NSG2: variants seen among roughly 807,000 people sequenced by gnomAD.
The protein encoded by NSG2 is neuronal vesicle trafficking-associated protein 2.
Under a neutral mutation model 16.9 loss-of-function variants are expected in NSG2, and 4 were observed. That is an observed-to-expected ratio of 0.24 (90% CI 0.12 to 0.54). The LOEUF is 0.54. NSG2 is among the 20% of genes least tolerant of loss of function. The probability of loss-of-function intolerance (pLI) is 0.95; values close to 1 mark genes in which losing one functional copy is unlikely to be tolerated. For missense variants in NSG2, 179 were observed against 221.1 expected, an observed-to-expected ratio of 0.81 and a Z score of 1.21; for synonymous variants, 98 against 88.7, an observed-to-expected ratio of 1.11 and a Z score of -0.59.
At chr5:174,065,037 G>A (rs969832892) in intron 3 of NSG2, among the ~76,000 whole-genome samples, 28 of 152,158 alleles carry the variant, frequency 1.8e-4, no homozygotes, top group Non-Finnish European at 4.4e-5. Context: ...ATAGAAATAA[G>A]GACAGTGAGG....
In NSG2 at chr5:174,098,614, G is replaced by A. The variant is rs1282667985; in HGVS notation, c.214-5614G>A. On this transcript the variant is annotated intron_variant, in intron 3 of 4. Transcript: ENST00000303177. ...ACCACCCCGTCAAAGGGCCCCCCTC[G>A]TGTGCTCTGTTCAGACCACATTCAG... Among the ~76,000 whole-genome samples, 6 of 152,248 alleles carry A rather than the reference G, an allele frequency of 3.9e-5. No individual in the cohort carries two copies. The East Asian group carries it at 5.8e-4, about 15-fold the overall frequency.
intron 3 of NSG2, among the ~76,000 whole-genome samples, chr5:174,086,234 C>A (rs1213077963): frequency 1.3e-5 from 2 of 152,114 alleles, no homozygotes; most frequent in East Asian, 3.8e-4. Context: ...CTAACTGACC[C>A]CGGGCCAATC....
intron 3 of NSG2, among the ~76,000 whole-genome samples, chr5:174,083,396 C>T (rs1760528898): frequency 6.6e-6 from 1 of 152,114 alleles, no homozygotes; most frequent in Admixed American, 6.6e-5. Context: ...AGAAATGAGG[C>T]CAGGAAAATC....
rs144721207 is a variant in NSG2, at chr5:174,109,166, A to G, written c.*1661A>G. The G allele has an allele frequency of 0.016, 2,507 of 152,930 alleles. 25 individuals carry two copies. The highest frequency in any genetic ancestry group is 0.024 in the Middle Eastern group (7 of 294). 9.5% of individuals were successfully genotyped at this position (152,930 alleles called of 1,614,324 possible). ...TTTCTGACAGGAAACAAATAAAGAT[A>G]GATGTGTCTGAGAGTCTTGACCTTC... On this transcript the variant is annotated 3_prime_UTR_variant, in exon 5 of 5. Transcript: ENST00000303177.
chr5:174,078,651 A>T (rs1399957263), intron 3 of NSG2, among the ~76,000 whole-genome samples: 1 of 152,140 alleles, frequency 6.6e-6, no homozygotes, highest in South Asian at 2.1e-4. Context: ...AGTTATTAGG[A>T]GGTGGGGCCT....
chr5:174,087,124 A>G (rs1284173514), intron 3 of NSG2, among the ~76,000 whole-genome samples: 3 of 152,186 alleles, frequency 2.0e-5, no homozygotes, highest in Non-Finnish European at 2.9e-5. Flanking sequence ...TACTTTCAAA[A>G]GGCAATTTAC....
intron 2 of NSG2, among the ~76,000 whole-genome samples, chr5:174,061,003 G>A (rs1760040997): frequency 6.6e-6 from 1 of 152,090 alleles, no homozygotes; most frequent in Non-Finnish European, 1.5e-5. Flanking sequence ...ACACCATGGG[G>A]CAGGAATCTT....
intron 3 of NSG2, among the ~76,000 whole-genome samples, chr5:174,084,804 G>A (rs929392528): frequency 2.0e-5 from 3 of 152,212 alleles, no homozygotes; most frequent in South Asian, 2.1e-4. Flanking sequence ...CAGGCAGATC[G>A]GCTGAGGGAA....
intron 2 of NSG2, among the ~76,000 whole-genome samples, chr5:174,049,826 C>T (rs982145813): frequency 8.5e-5 from 13 of 152,184 alleles, no homozygotes; most frequent in African/African-American, 3.1e-4. Context: ...AGAATCTTTA[C>T]AAGAGTAATT....
chr5:174,052,345 T>C (rs1028172557), intron 2 of NSG2, among the ~76,000 whole-genome samples: 3 of 151,862 alleles, frequency 2.0e-5, no homozygotes, highest in African/African-American at 7.3e-5. Context: ...ACCAGGTTGA[T>C]TGGGAGGAGA....
At chr5:174,054,467 C>T (rs1039855228) in intron 2 of NSG2, among the ~76,000 whole-genome samples, 11 of 152,250 alleles carry the variant, frequency 7.2e-5, no homozygotes, top group South Asian at 2.1e-4. Flanking sequence ...CCTGCAGTCG[C>T]GAACTCTTGG....
chr5:174,066,147 A>T (rs1409325264), intron 3 of NSG2: 4 of 455,536 alleles, frequency 8.8e-6, no homozygotes, highest in South Asian at 4.7e-5. Context: ...AACTTCCTAG[A>T]TGCCACCCTC....
At chr5:174,047,082 A>AT (rs1298715864) in intron 2 of NSG2, among the ~76,000 whole-genome samples, 198 bp downstream of exon 2, 2 of 152,054 alleles carry the variant, frequency 1.3e-5, no homozygotes, top group East Asian at 1.9e-4. Flanking sequence ...GTGTTTATTC[A>AT]TTTTTTGTTC....
chr5:174,049,440 C>T (rs1759853423), intron 2 of NSG2, among the ~76,000 whole-genome samples: 1 of 151,972 alleles, frequency 6.6e-6, no homozygotes, highest in Admixed American at 6.6e-5. Flanking sequence ...TGTGCACGCG[C>T]ACGTGCACAC....
intron 3 of NSG2, among the ~76,000 whole-genome samples, chr5:174,084,819 A>AT (rs1760573735): frequency 6.6e-6 from 1 of 152,152 alleles, no homozygotes; most frequent in Non-Finnish European, 1.5e-5. Context: ...AGGGAAGATA[A>AT]TTTCATTAGG....
chr5:174,081,309 G>T (rs1760461327), intron 3 of NSG2, among the ~76,000 whole-genome samples: 1 of 152,044 alleles, frequency 6.6e-6, no homozygotes, highest in Non-Finnish European at 1.5e-5. Context: ...AGTACTTTCA[G>T]ATTTGCTATT....
At position 174,107,097 on chromosome 5, in the gene NSG2, G is replaced by C. The variant is rs143064045; in HGVS notation, c.325-217G>C. Among the ~76,000 whole-genome samples the C allele has an allele frequency of 9.4e-4, 143 of 152,246 alleles. No individual in the cohort carries two copies. The highest frequency in any genetic ancestry group is 3.2e-3 in the African/African-American group (134 of 41,550). The stretch of plus-strand genomic sequence containing the variant: ...TGGCCTTGAATCAGTGTCAATATCA[G>C]GTTCAGGTCGTCTGGCTTCTTCTAA... On this transcript the variant is annotated intron_variant, in intron 4 of 4. Coordinates refer to ENST00000303177, the MANE Select transcript of NSG2 (RefSeq NM_015980.5). This position sits in a 1 kb window ranked among gnomAD's most constrained non-coding sequence, Gnocchi z 4.5.
rs1284815829 is a variant in NSG2, at chr5:174,059,037, G to A, written c.130-5195G>A. On this transcript the variant is annotated intron_variant, in intron 2 of 4. Coordinates refer to ENST00000303177, the MANE Select transcript of NSG2 (RefSeq NM_015980.5). ...AAGTAGCATTTCATAAGGGTTCAGA[G>A]CAAAGCAGGACATGGATTTGAAGAG... 2.6e-5 allele frequency among the ~76,000 whole-genome samples: 4 copies of A among 152,190 alleles called. No homozygotes were observed. The East Asian group carries it at 7.7e-4, about 29-fold the overall frequency.
intron 4 of NSG2, among the ~76,000 whole-genome samples, chr5:174,105,027 A>ATACTAT (rs5873405): frequency 0.34 from 51,285 of 151,786 alleles, 11,895 homozygotes; most frequent in African/African-American, 0.66. Context: ...AACACAGCTG[A>ATACTAT]TAATATTTAT....
Sources: gnomAD v4.1 joint callset for allele counts (sites outside exome capture counted in the v4.1 genomes callset) on GRCh38, gnomAD v4.1.1 for gene constraint, Gnocchi (gnomAD v3.1) non-coding constraint, MANE v1.5 for transcripts, NCBI Gene and HGNC (gene_info 2026-07-23, HGNC 2026-07-21) for gene names.